Variants in RBM17 observed in about 807,000 individuals in gnomAD.
RBM17 encodes the protein splicing factor 45.
RBM17 carries 7 observed loss-of-function variants against 53.2 expected under a neutral mutation model. That is an observed-to-expected ratio of 0.13 (90% CI 0.07 to 0.25). The LOEUF is 0.25. Among genes scored for constraint, RBM17 ranks in the 10% least tolerant of loss-of-function variants. RBM17 has a pLI of 1.00. For missense variants in RBM17, 257 were observed against 496.7 expected (o/e 0.52, Z 4.59); for synonymous variants, 167 against 178.1 (o/e 0.94, Z 0.50).
intron 4 of RBM17, 71 bp downstream of exon 4, chr10:6,105,168 C>T (rs762544224): frequency 2.9e-5 from 41 of 1,414,680 alleles, no homozygotes; most frequent in African/African-American, 8.6e-5. Context: ...GAATGAGCGT[C>T]GCTGCTGTCT....
intron 1 of RBM17, among the ~76,000 whole-genome samples, chr10:6,091,946 T>A (rs1840492222): frequency 1.3e-5 from 2 of 152,176 alleles, no homozygotes; most frequent in Non-Finnish European, 2.9e-5. Flanking sequence ...AGAAGACTCT[T>A]CCATGTTCTT....
At chr10:6,098,054 T>TAACTG (rs56203647) in intron 2 of RBM17, among the ~76,000 whole-genome samples, 1 of 152,112 alleles carries the variant, frequency 6.6e-6, no homozygotes, top group Non-Finnish European at 1.5e-5. Flanking sequence ...GTCCTTGAAA[T>TAACTG]AACATGTAAA....
In RBM17 at chr10:6,097,100, G is replaced by A. The variant is rs1305361184; in HGVS notation, c.35G>A (p.Ser12Asn). 6.2e-7 allele frequency: 1 copy of A among 1,613,934 alleles called. No individual in the cohort carries two copies. Among genetic ancestry groups the A allele is most frequent in the Non-Finnish European group, 8.5e-7 (1 of 1,179,978 alleles). Residue 12 changes from serine to asparagine, a missense_variant, in exon 2 of 12, where the codon AGT (serine) becomes AAT (asparagine). Ser to Asn is a conservative substitution (Grantham distance 46). Coordinates refer to ENST00000379888, the MANE Select transcript of RBM17 (RefSeq NM_032905.5). ...TACGATGACCTAGGAGTGGAGACCA[G>A]TGACTCAAAAACAGAAGGCTGGTCC... ...SLYDDLGVET[S>N]DSKTEGWSKN...
chr10:6,117,191 C>T lies in RBM17; in HGVS notation c.*1635C>T, dbSNP rs577673001. ...CTCATGGTCAGCAACCAGAGAGTTG[C>T]AACCAACTCATACTACTTGATTTCC... On this transcript the variant is annotated 3_prime_UTR_variant, in exon 12 of 12. Transcript: ENST00000379888. 3.9e-5 allele frequency: 6 copies of T among 152,448 alleles called. No individual in the cohort carries two copies. The highest frequency in any genetic ancestry group is 1.2e-4 in the African/African-American group (5 of 41,552). 9.4% of individuals were successfully genotyped at this position (152,448 alleles called of 1,614,324 possible). A position where few individuals can be genotyped will look rare whatever the true frequency, so the allele number is the denominator to read the frequency against.
intron 2 of RBM17, among the ~76,000 whole-genome samples, chr10:6,101,039 T>C (rs1338657565): frequency 6.6e-6 from 1 of 152,226 alleles, no homozygotes; most frequent in Non-Finnish European, 1.5e-5. Context: ...TGAAAGTGAC[T>C]AAGTTTACTG....
At chr10:6,103,984 C>T (rs1840707803) in intron 3 of RBM17, among the ~76,000 whole-genome samples, 2 of 152,202 alleles carry the variant, frequency 1.3e-5, no homozygotes, top group South Asian at 4.1e-4. Context: ...AATGGGGACA[C>T]TAATCCTAAC....
At chr10:6,104,434 A>C (rs922870462) in intron 3 of RBM17, among the ~76,000 whole-genome samples, 2 of 152,252 alleles carry the variant, frequency 1.3e-5, no homozygotes, top group African/African-American at 2.4e-5. Context: ...TCAGAGGATT[A>C]GAAAGACCAA....
Position 6,115,698 on chromosome 10 carries a change from C to A in RBM17, c.*142C>A. 1.9e-6 allele frequency: 1 copy of A among 525,658 alleles called. No homozygotes were observed. The highest frequency in any genetic ancestry group is 3.4e-6 in the Non-Finnish European group (1 of 297,056). The allele number at this position is 525,658 out of a possible 1,614,324, so 32.6% of individuals were successfully genotyped here. A position where few individuals can be genotyped will look rare whatever the true frequency, so the allele number is the denominator to read the frequency against. On this transcript the variant is annotated 3_prime_UTR_variant, in exon 12 of 12. Coordinates refer to ENST00000379888, the MANE Select transcript of RBM17 (RefSeq NM_032905.5). ...ACTTCTAAGATATATGTTGATTGAT[C>A]CCTTTTTTATTTTGTGGTTTTTTAA...
chr10:6,094,284 G>A (rs1438753137), intron 1 of RBM17, among the ~76,000 whole-genome samples: 1 of 152,102 alleles, frequency 6.6e-6, no homozygotes, highest in African/African-American at 2.4e-5. Flanking sequence ...GGCCTGGTGT[G>A]GAATGTTCTA....
In RBM17 at chr10:6,112,084, GACTTT is replaced by G; in HGVS notation, c.705-125_705-121del. 1 of 857,144 alleles carries G rather than the reference GACTTT, an allele frequency of 1.2e-6. No individual in the cohort carries two copies. The highest frequency in any genetic ancestry group is 1.7e-5 in the South Asian group (1 of 59,068). 53.1% of individuals were successfully genotyped at this position (857,144 alleles called of 1,614,324 possible). A position where few individuals can be genotyped will look rare whatever the true frequency, so the allele number is the denominator to read the frequency against. On this transcript the variant is annotated intron_variant, in intron 7 of 11. Coordinates refer to ENST00000379888, the MANE Select transcript of RBM17 (RefSeq NM_032905.5). This position sits in a 1 kb window ranked among gnomAD's most constrained non-coding sequence, Gnocchi z 4.4. ...AATAGCCCACTCCTAGTTAATGAGT[GACTTT>G]GTTGAAGCCCCTGTGGAGCATGCAC...
At position 6,112,663 on chromosome 10, in the gene RBM17, A is replaced by G. The variant is rs1840858402; in HGVS notation, c.856+302A>G. 2.4e-6 allele frequency: 1 copy of G among 413,090 alleles called. No homozygotes were observed. 25.6% of individuals were successfully genotyped at this position (413,090 alleles called of 1,614,324 possible). On this transcript the variant is annotated intron_variant, in intron 8 of 11. Coordinates refer to ENST00000379888, the MANE Select transcript of RBM17 (RefSeq NM_032905.5). The surrounding 1 kb of genome is among the most constrained non-coding windows in gnomAD (Gnocchi z 4.4). ...CTTGGGCAGAAAATGAGTAGTCCTC[A>G]GGAAGAAATCTTGGTTATGTGTTTA... is the stretch of plus-strand genomic sequence containing the variant.
chr10:6,107,995 G>A (rs41295241), intron 5 of RBM17, among the ~76,000 whole-genome samples: 5,608 of 152,058 alleles, frequency 0.037, 178 homozygotes, highest in East Asian at 0.14. Context: ...TCCAGTTGTC[G>A]GATACCAGAT....
chr10:6,112,097 C>G lies in RBM17; in HGVS notation c.705-113C>G. The G allele has an allele frequency of 2.9e-6, 3 of 1,036,118 alleles. No individual in the cohort carries two copies. Among genetic ancestry groups the G allele is most frequent in the Non-Finnish European group, 4.2e-6 (3 of 705,944 alleles). The allele number at this position is 1,036,118 out of a possible 1,614,324, so 64.2% of individuals were successfully genotyped here. A position where few individuals can be genotyped will look rare whatever the true frequency, so the allele number is the denominator to read the frequency against. On this transcript the variant is annotated intron_variant, in intron 7 of 11. Transcript: ENST00000379888. This position sits in a 1 kb window ranked among gnomAD's most constrained non-coding sequence, Gnocchi z 4.4. ...TAGTTAATGAGTGACTTTGTTGAAG[C>G]CCCTGTGGAGCATGCACTCTCTCCA... is the stretch of plus-strand genomic sequence containing the variant.
intron 1 of RBM17, among the ~76,000 whole-genome samples, chr10:6,094,259 C>T (rs1158858059): frequency 2.0e-5 from 3 of 152,024 alleles, no homozygotes; most frequent in African/African-American, 4.8e-5. Context: ...ATTAGAGGTG[C>T]GAGACACCGC....
At chr10:6,096,902 C>A in intron 1 of RBM17, 146 bp from the exon 2 acceptor site, 1 of 588,428 alleles carries the variant, frequency 1.7e-6, no homozygotes, top group South Asian at 2.2e-5. Context: ...CAGGAATAGC[C>A]CTACATTAAT....
At position 6,098,563 on chromosome 10, in the gene RBM17, G is replaced by GTGGTTTT. The variant is rs1554834988; in HGVS notation, c.123+1376_123+1377insGGTTTTT. Among the ~76,000 whole-genome samples, 3 of 46,668 alleles carry GTGGTTTT rather than the reference G, an allele frequency of 6.4e-5. No individual in the cohort carries two copies. In the East Asian group the frequency reaches 1.3e-3, roughly 20 times the overall value. The allele number at this position is 46,668 out of a possible 152,430, so 30.6% of individuals were successfully genotyped here. ...AATTTCCGTAATACACAGGTTTTTT[G>GTGGTTTT]TTTTTTTTTTTTTTTTTTTTTTTTT... is the stretch of plus-strand genomic sequence containing the variant. On this transcript the variant is annotated intron_variant, in intron 2 of 11. Coordinates refer to ENST00000379888, the MANE Select transcript of RBM17 (RefSeq NM_032905.5).
At chr10:6,093,608 G>A (rs1016983013) in intron 1 of RBM17, among the ~76,000 whole-genome samples, 13 of 152,156 alleles carry the variant, frequency 8.5e-5, no homozygotes, top group Admixed American at 7.2e-4. Context: ...CTTTCCCCTC[G>A]AAGTTTAATG....
chr10:6,091,487 G>C (rs557334981), intron 1 of RBM17, among the ~76,000 whole-genome samples: 8 of 152,164 alleles, frequency 5.3e-5, no homozygotes, highest in African/African-American at 1.9e-4. Flanking sequence ...ACCTTGACTC[G>C]TTATTGGTTG....
At chr10:6,097,808 T>C (rs569147017) in intron 2 of RBM17, among the ~76,000 whole-genome samples, 17 of 152,248 alleles carry the variant, frequency 1.1e-4, no homozygotes, top group Non-Finnish European at 2.1e-4. Flanking sequence ...ACTCCTGATA[T>C]TCTGGTAAAC....
Sources: allele counts gnomAD v4.1 joint callset (sites outside exome capture counted in the v4.1 genomes callset), GRCh38; gene constraint gnomAD v4.1.1; non-coding constraint Gnocchi (gnomAD v3.1); transcripts MANE v1.5; gene names NCBI Gene and HGNC (gene_info 2026-07-23, HGNC 2026-07-21).